TMEM266: variants seen among roughly 807,000 people sequenced by gnomAD.
TMEM266 encodes Hv1 related protein 1.
A neutral mutation model predicts 50.5 loss-of-function variants in TMEM266; 33 were observed. That is an observed-to-expected ratio of 0.65 (90% CI 0.50 to 0.87). The LOEUF (loss-of-function observed/expected upper bound fraction) is 0.87. Among genes scored for constraint, TMEM266 ranks in the 40% least tolerant of loss-of-function variants. The pLI is 0.00. For missense variants in TMEM266, 655 were observed against 695.1 expected (o/e 0.94, Z 0.65); for synonymous variants, 310 against 292.3 (o/e 1.06, Z -0.62).
rs1056522760 is a variant in TMEM266 at position 76,168,234 on chromosome 15, C to T, written c.457-1582C>T. On this transcript the variant is annotated intron_variant, in intron 5 of 10. Transcript: ENST00000388942. The surrounding 1 kb of genome is among the most constrained non-coding windows in gnomAD (Gnocchi z 4.4). ...CAGAGACCGGGAAGTTATAGCGGAG[C>T]GGACTTCGGGCTGCCACATGCTCCT... Among the ~76,000 whole-genome samples, 1 of 152,224 alleles carries T rather than the reference C, an allele frequency of 6.6e-6. No individual in the cohort carries two copies. The highest frequency in any genetic ancestry group is 2.4e-5 in the African/African-American group (1 of 41,454).
At position 76,153,340 on chromosome 15, in the gene TMEM266, C is replaced by T. The variant is rs1485149788; in HGVS notation, c.228-3264C>T. On this transcript the variant is annotated intron_variant, in intron 3 of 10. Transcript: ENST00000388942. The surrounding 1 kb of genome is among the most constrained non-coding windows in gnomAD (Gnocchi z 4.2). ...AGAAGGAGCAGTGTCTTAGGGATGT[C>T]CAAGGCACGAAGGTGAACAAATGCC... 6.6e-6 allele frequency among the ~76,000 whole-genome samples: 1 copy of T among 152,114 alleles called. No individual in the cohort carries two copies. The highest frequency in any genetic ancestry group is 1.5e-5 in the Non-Finnish European group (1 of 68,022).
intron 8 of TMEM266, among the ~76,000 whole-genome samples, chr15:76,187,753 C>G (rs114071006): frequency 4.6e-5 from 7 of 152,160 alleles, no homozygotes; most frequent in African/African-American, 1.7e-4. Context: ...CAGCATGAGG[C>G]CTCAGTCTTT....
rs1182460627 is a variant in TMEM266, at chr15:76,168,750, TG to T, written c.457-1061del. Among the ~76,000 whole-genome samples, 2 of 152,132 alleles carry T rather than the reference TG, an allele frequency of 1.3e-5. No individual in the cohort carries two copies. The highest frequency in any genetic ancestry group is 4.8e-5 in the African/African-American group (2 of 41,414). ...CAGACCAGGTCCCTTGAGCCTCCAC[TG>T]GGGGATGGGGAGGGAATCAGCACAA... is the stretch of plus-strand genomic sequence containing the variant. On this transcript the variant is annotated intron_variant, in intron 5 of 10. Coordinates refer to ENST00000388942, the MANE Select transcript of TMEM266 (RefSeq NM_152335.3). The surrounding 1 kb of genome is among the most constrained non-coding windows in gnomAD (Gnocchi z 4.4).
At chr15:76,199,889 G>A (rs2038717029) in intron 9 of TMEM266, among the ~76,000 whole-genome samples, 1 of 152,072 alleles carries the variant, frequency 6.6e-6, no homozygotes, top group African/African-American at 2.4e-5. Context: ...TCCCAGGAGG[G>A]ATGTGAGGGG....
chr15:76,150,319 A>C (rs1389600330), intron 3 of TMEM266, among the ~76,000 whole-genome samples: 1 of 152,144 alleles, frequency 6.6e-6, no homozygotes, highest in Non-Finnish European at 1.5e-5. Context: ...CCAGGCTTCG[A>C]TCTGGCTCCT....
rs1352617603 is a variant in TMEM266, at chr15:76,168,165, C to A, written c.457-1651C>A. Among the ~76,000 whole-genome samples, 1 of 152,194 alleles carries A rather than the reference C, an allele frequency of 6.6e-6. No homozygotes were observed. Among genetic ancestry groups the A allele is most frequent in the East Asian group, 1.9e-4 (1 of 5,190 alleles). On this transcript the variant is annotated intron_variant, in intron 5 of 10. Coordinates refer to ENST00000388942, the MANE Select transcript of TMEM266 (RefSeq NM_152335.3). This position sits in a 1 kb window ranked among gnomAD's most constrained non-coding sequence, Gnocchi z 4.4. Reference sequence around the variant, plus strand: ...TGGCCACCCCACCCAGATCTCTCCCCACCCCTGCAAGCTGTCTCGCAGTTA... The same window carrying A: ...TGGCCACCCCACCCAGATCTCTCCCAACCCCTGCAAGCTGTCTCGCAGTTA...
intron 1 of TMEM266, among the ~76,000 whole-genome samples, chr15:76,121,315 A>G (rs1345757206): frequency 1.3e-5 from 2 of 152,172 alleles, no homozygotes; most frequent in African/African-American, 2.4e-5. Flanking sequence ...GCAGTGGACA[A>G]TTGTCTATAA....
intron 3 of TMEM266, among the ~76,000 whole-genome samples, chr15:76,150,269 C>T (rs1439989497): frequency 6.6e-6 from 1 of 152,204 alleles, no homozygotes; most frequent in East Asian, 1.9e-4. Flanking sequence ...GCAGAGCCTT[C>T]CTGAAGGCAG....
intron 1 of TMEM266, among the ~76,000 whole-genome samples, chr15:76,097,797 A>C (rs2036943801): frequency 6.6e-6 from 1 of 151,816 alleles, no homozygotes; most frequent in African/African-American, 2.4e-5. Context: ...GGCTTTGTTT[A>C]TTCCTTTTTA....
intron 8 of TMEM266, among the ~76,000 whole-genome samples, chr15:76,179,935 CAG>C (rs2038372360): frequency 6.6e-6 from 1 of 152,106 alleles, no homozygotes. Context: ...GCCTGGGCCA[CAG>C]AGCAAGACTG....
chr15:76,112,730 CTG>C (rs1567155055), intron 1 of TMEM266: 5 of 152,210 alleles, frequency 3.3e-5, no homozygotes, highest in African/African-American at 1.2e-4. Flanking sequence ...TGAAAAGCCA[CTG>C]AACTAAATTT....
At chr15:76,128,813 C>T (rs563184165) in intron 1 of TMEM266, among the ~76,000 whole-genome samples, 43 of 152,256 alleles carry the variant, frequency 2.8e-4, no homozygotes, top group African/African-American at 9.6e-4. Context: ...AGAGGCCAGT[C>T]GTTTCTTCCC....
chr15:76,183,103 CTTTTTTTTTTT>C (rs71140199), intron 8 of TMEM266, among the ~76,000 whole-genome samples: 10 of 44,168 alleles, frequency 2.3e-4, no homozygotes, highest in Admixed American at 1.9e-3. Context: ...CATTTTGTGG[CTTTTTTTTTTT>C]TTTTTTTTTT....
intron 1 of TMEM266, among the ~76,000 whole-genome samples, chr15:76,093,409 A>G (rs897885313): frequency 6.7e-6 from 1 of 149,914 alleles, no homozygotes; most frequent in Admixed American, 6.7e-5. Flanking sequence ...TGTTCTTGTG[A>G]TAGTTTGCTG....
intron 5 of TMEM266, among the ~76,000 whole-genome samples, chr15:76,162,728 G>A (rs537743679): frequency 1.8e-4 from 28 of 152,200 alleles, no homozygotes; most frequent in Non-Finnish European, 3.5e-4. Flanking sequence ...GGTGGGCAGG[G>A]ACCAGGGGTC....
At chr15:76,123,473 A>G (rs1413468084) in intron 1 of TMEM266, among the ~76,000 whole-genome samples, 2 of 152,192 alleles carry the variant, frequency 1.3e-5, no homozygotes. Context: ...ATCTCCACGT[A>G]AAAGAACCCC....
chr15:76,175,626 C>T lies in TMEM266; in HGVS notation c.720C>T (p.Ile240=). ...AGCAGTACGAGAAGGCCAAGGTCAT[C>T]CAAGACGAGCAGCTGGAGAGGCTGA... Residue 240 remains isoleucine, a synonymous_variant, in exon 8 of 11, where the codon ATC becomes ATT. Coordinates refer to ENST00000388942, the MANE Select transcript of TMEM266 (RefSeq NM_152335.3). The T allele has an allele frequency of 6.2e-7, 1 of 1,614,206 alleles. No individual in the cohort carries two copies. The highest frequency in any genetic ancestry group is 8.5e-7 in the Non-Finnish European group (1 of 1,180,018).
intron 8 of TMEM266, chr15:76,175,973 A>T: frequency 3.5e-6 from 1 of 286,502 alleles, no homozygotes; most frequent in South Asian, 4.6e-5. Flanking sequence ...TCAGTTCATC[A>T]GAGTCTTCTC....
rs142734997 is a variant in TMEM266 at position 76,171,150 on chromosome 15, G to A, written c.652+19G>A. 34 of 1,611,822 alleles carry A rather than the reference G, an allele frequency of 2.1e-5. No individual in the cohort carries two copies. Among genetic ancestry groups the A allele is most frequent in the Admixed American group, 5.0e-5 (3 of 59,866 alleles). ...ATTGATGGTGAGTGGCCCGAGGGGG[G>A]TGTGGTCAGTGGGGCTGCTCCAGAA... On this transcript the variant is annotated intron_variant, in intron 7 of 10. Coordinates refer to ENST00000388942, the MANE Select transcript of TMEM266 (RefSeq NM_152335.3).
Sources: gnomAD v4.1 joint callset for allele counts (sites outside exome capture counted in the v4.1 genomes callset) on GRCh38, gnomAD v4.1.1 for gene constraint, Gnocchi (gnomAD v3.1) non-coding constraint, MANE v1.5 for transcripts, NCBI Gene and HGNC (gene_info 2026-07-23, HGNC 2026-07-21) for gene names.